MEF2A: variants seen among roughly 807,000 people sequenced by gnomAD.
The protein encoded by MEF2A is myocyte-specific enhancer factor 2A.
A neutral mutation model predicts 55.8 loss-of-function variants in MEF2A; 28 were observed. That is an observed-to-expected ratio of 0.50 (90% CI 0.37 to 0.69). The LOEUF (loss-of-function observed/expected upper bound fraction) is 0.69, where lower values mean the gene tolerates loss of function less well. Among genes scored for constraint, MEF2A ranks in the 30% least tolerant of loss-of-function variants. MEF2A has a pLI of 0.00. For missense variants in MEF2A, 528 were observed against 626.2 expected (o/e 0.84, Z 1.67); for synonymous variants, 239 against 227.1 (o/e 1.05, Z -0.47).
At chr15:99,707,490 C>T (rs1252526391) in intron 10 of MEF2A, among the ~76,000 whole-genome samples, 1 of 152,102 alleles carries the variant, frequency 6.6e-6, no homozygotes. Flanking sequence ...TTAAAATGCC[C>T]TAATTTGGGG....
intron 4 of MEF2A, among the ~76,000 whole-genome samples, chr15:99,651,756 T>C (rs1487469475): frequency 1.3e-5 from 2 of 152,226 alleles, no homozygotes; most frequent in Non-Finnish European, 2.9e-5. Flanking sequence ...CAATTATTGG[T>C]TTTCATTTAT....
Position 99,674,644 on chromosome 15 carries a change from T to C in MEF2A, c.610+32T>C, listed in dbSNP as rs200662116. On this transcript the variant is annotated intron_variant, in intron 6 of 11. Coordinates refer to ENST00000557942, the MANE Select transcript of MEF2A (RefSeq NM_001319206.4). ...AGTGATACCTATTATGCTGGTTCTT[T>C]AATAAAGAGGGTGAAAAAATTCATT... 6 of 1,549,166 alleles carry C rather than the reference T, an allele frequency of 3.9e-6. No homozygotes were observed. The East Asian group carries it at 1.1e-4, about 29-fold the overall frequency.
chr15:99,668,336 A>G lies in MEF2A; in HGVS notation c.259-2987A>G, dbSNP rs570173003. ...ATTACTCATTAATATTGATCTTTATAGCAGCCTGTAATGTATGTTGTAGAA... is the reference window on the plus strand; with the variant it reads ...ATTACTCATTAATATTGATCTTTATGGCAGCCTGTAATGTATGTTGTAGAA... On this transcript the variant is annotated intron_variant, in intron 4 of 11. Transcript: ENST00000557942. Among the ~76,000 whole-genome samples, 9 of 152,358 alleles carry G rather than the reference A, an allele frequency of 5.9e-5. No individual in the cohort carries two copies. In the East Asian group the frequency reaches 1.5e-3, roughly 26 times the overall value.
intron 8 of MEF2A, among the ~76,000 whole-genome samples, chr15:99,690,897 G>C (rs1315288271): frequency 6.6e-6 from 1 of 152,026 alleles, no homozygotes; most frequent in Non-Finnish European, 1.5e-5. Flanking sequence ...AGGAGAGAAG[G>C]GTGACTATAG....
chr15:99,581,543 C>G (rs1423339382), intron 1 of MEF2A, among the ~76,000 whole-genome samples: 3 of 151,888 alleles, frequency 2.0e-5, no homozygotes, highest in African/African-American at 7.3e-5. Context: ...TTTCTTTCAA[C>G]TGGTGAATAT....
intron 9 of MEF2A, 134 bp from the exon 10 acceptor site, chr15:99,706,593 GAA>G (rs2058065905): frequency 2.3e-6 from 2 of 873,906 alleles, no homozygotes; most frequent in South Asian, 3.2e-5. Context: ...TAGTATTTTT[GAA>G]GTTTTCACAT....
At chr15:99,568,843 A>G (rs890530642) in intron 1 of MEF2A, among the ~76,000 whole-genome samples, 2 of 152,192 alleles carry the variant, frequency 1.3e-5, no homozygotes, top group African/African-American at 4.8e-5. Flanking sequence ...CATGGTACAT[A>G]TGAATGTTTC....
intron 1 of MEF2A, among the ~76,000 whole-genome samples, chr15:99,581,891 A>C (rs964877323): frequency 6.6e-6 from 1 of 152,158 alleles, no homozygotes; most frequent in African/African-American, 2.4e-5. Context: ...TGGAAAAAAT[A>C]CACCACATAG....
At chr15:99,686,200 G>A (rs2153697729) in intron 7 of MEF2A, among the ~76,000 whole-genome samples, 1 of 152,254 alleles carries the variant, frequency 6.6e-6, no homozygotes, top group African/African-American at 2.4e-5. Flanking sequence ...TATATTTTAA[G>A]TGGAACATTT....
intron 7 of MEF2A, among the ~76,000 whole-genome samples, chr15:99,680,024 C>G (rs2052914903): frequency 6.6e-6 from 1 of 152,154 alleles, no homozygotes; most frequent in Non-Finnish European, 1.5e-5. Context: ...ATCTTAAGAT[C>G]ATGAGACAAG....
intron 2 of MEF2A, among the ~76,000 whole-genome samples, chr15:99,629,111 T>A (rs2042511058): frequency 6.6e-6 from 1 of 152,204 alleles, no homozygotes; most frequent in Admixed American, 6.5e-5. Flanking sequence ...TTGAAGTTAA[T>A]CTTTTTAAAT....
chr15:99,696,793 C>A (rs900887718), intron 8 of MEF2A, among the ~76,000 whole-genome samples: 1 of 151,642 alleles, frequency 6.6e-6, no homozygotes, highest in Non-Finnish European at 1.5e-5. Flanking sequence ...AGAACACTTT[C>A]CAACTTATTT....
chr15:99,583,494 G>A (rs908179625), intron 1 of MEF2A, among the ~76,000 whole-genome samples: 3 of 152,084 alleles, frequency 2.0e-5, no homozygotes, highest in African/African-American at 4.8e-5. Flanking sequence ...TTTAAAGTTT[G>A]TGTTTGTGTG....
chr15:99,641,451 C>T (rs1043043862), intron 3 of MEF2A, among the ~76,000 whole-genome samples: 7 of 152,074 alleles, frequency 4.6e-5, no homozygotes, highest in African/African-American at 7.2e-5. Context: ...CGGCCGGGCG[C>T]GTTGGCTCAC....
chr15:99,645,160 G>T (rs1567310885), intron 3 of MEF2A, among the ~76,000 whole-genome samples: 1 of 152,174 alleles, frequency 6.6e-6, no homozygotes, highest in Non-Finnish European at 1.5e-5. Flanking sequence ...AAATACTTCA[G>T]ATTAGTGGAT....
chr15:99,625,957 G>A (rs1048474916), intron 2 of MEF2A, among the ~76,000 whole-genome samples: 1 of 151,992 alleles, frequency 6.6e-6, no homozygotes, highest in Non-Finnish European at 1.5e-5. Context: ...TTGGTATTAG[G>A]GCAATAGGAC....
chr15:99,642,136 A>G (rs1019214360), intron 3 of MEF2A, among the ~76,000 whole-genome samples: 9 of 151,952 alleles, frequency 5.9e-5, no homozygotes, highest in Non-Finnish European at 1.5e-5. Flanking sequence ...CGTTCTAGGT[A>G]TAGGCCCTAT....
At chr15:99,657,130 C>A (rs141048183) in intron 4 of MEF2A, among the ~76,000 whole-genome samples, 9 of 152,146 alleles carry the variant, frequency 5.9e-5, no homozygotes, top group East Asian at 1.9e-4. Context: ...CTGTATCAGT[C>A]CTTCATTCTG....
At chr15:99,688,406 C>T (rs576613971) in intron 7 of MEF2A, among the ~76,000 whole-genome samples, 3 of 152,330 alleles carry the variant, frequency 2.0e-5, no homozygotes, top group African/African-American at 4.8e-5. Context: ...GTTTGCTGTT[C>T]TCCTTTTTGT....
Sources: allele counts gnomAD v4.1 joint callset (sites outside exome capture counted in the v4.1 genomes callset), GRCh38; gene constraint gnomAD v4.1.1; transcripts MANE v1.5; gene names NCBI Gene and HGNC (gene_info 2026-07-23, HGNC 2026-07-21).